RBFOX2: variants seen among roughly 807,000 people sequenced by gnomAD.
RBFOX2 encodes RNA binding fox-1 homolog 2.
RBFOX2 carries 10 observed loss-of-function variants against 49.1 expected under a neutral mutation model. The ratio of observed to expected loss-of-function variants is 0.20; its 90% CI spans 0.13 to 0.35. RBFOX2 has a LOEUF of 0.35. RBFOX2 is among the 10% of genes least tolerant of loss of function. The pLI is 1.00. For missense variants in RBFOX2, 323 were observed against 486.9 expected (o/e 0.66, Z 3.17); for synonymous variants, 183 against 187.4 (o/e 0.98, Z 0.19).
intron 2 of RBFOX2, among the ~76,000 whole-genome samples, chr22:35,784,467 G>A (rs1225778514): frequency 1.3e-5 from 2 of 152,216 alleles, no homozygotes; most frequent in African/African-American, 4.8e-5. Flanking sequence ...CTCTGGTATT[G>A]GGAGTGGTGC....
intron 1 of RBFOX2, among the ~76,000 whole-genome samples, chr22:36,002,416 A>G (rs2058463613): frequency 6.6e-6 from 1 of 152,228 alleles, no homozygotes; most frequent in African/African-American, 2.4e-5. Context: ...TTACCGTGGG[A>G]TACTATGTGG....
intron 1 of RBFOX2, among the ~76,000 whole-genome samples, chr22:35,894,661 G>C (rs1052929571): frequency 6.6e-6 from 1 of 152,072 alleles, no homozygotes; most frequent in Non-Finnish European, 1.5e-5. Context: ...CACAATCACC[G>C]CTAGGTTTTA....
intron 1 of RBFOX2, among the ~76,000 whole-genome samples, chr22:35,825,589 G>C (rs956115481): frequency 1.3e-5 from 2 of 152,208 alleles, no homozygotes; most frequent in African/African-American, 4.8e-5. Context: ...TGTACTATTT[G>C]TGTGACCTTA....
intron 1 of RBFOX2, among the ~76,000 whole-genome samples, chr22:36,002,157 A>G (rs994514846): frequency 7.2e-5 from 11 of 152,258 alleles, no homozygotes; most frequent in African/African-American, 2.7e-4. Context: ...GAAAAATGAA[A>G]GTACGGTAAC....
chr22:36,005,968 AG>A (rs1483513520), intron 1 of RBFOX2, among the ~76,000 whole-genome samples: 1 of 152,240 alleles, frequency 6.6e-6, no homozygotes, highest in Non-Finnish European at 1.5e-5. Flanking sequence ...GCATCTGACC[AG>A]GTTTAGTTCA....
At chr22:35,865,499 G>A (rs1347493124) in intron 1 of RBFOX2, among the ~76,000 whole-genome samples, 6 of 151,822 alleles carry the variant, frequency 4.0e-5, no homozygotes, top group South Asian at 4.2e-4. Context: ...TAATTCCAGC[G>A]TTCAAAAAGC....
At chr22:35,754,236 C>T (rs893975663) in intron 9 of RBFOX2, among the ~76,000 whole-genome samples, 4 of 151,646 alleles carry the variant, frequency 2.6e-5, no homozygotes, top group Non-Finnish European at 4.4e-5. Flanking sequence ...GGACTACAGG[C>T]GCCCGCCACC....
intron 1 of RBFOX2, chr22:35,897,458 C>A (rs1473624507): frequency 2.4e-6 from 2 of 838,436 alleles, no homozygotes; most frequent in Non-Finnish European, 4.2e-6. Flanking sequence ...CCCTTGTTGT[C>A]CAGGACTCAA....
intron 1 of RBFOX2, among the ~76,000 whole-genome samples, chr22:35,985,880 CTAGATAGATAGA>C (rs200877863): frequency 1.4e-5 from 2 of 146,744 alleles, no homozygotes; most frequent in African/African-American, 2.5e-5. Context: ...GACTCCATCT[CTAGATAGATAGA>C]TAGATAGATG....
At chr22:35,800,036 T>C (rs1949489006) in intron 2 of RBFOX2, among the ~76,000 whole-genome samples, 1 of 152,098 alleles carries the variant, frequency 6.6e-6, no homozygotes, top group African/African-American at 2.4e-5. Context: ...TCTTAATTTA[T>C]TCTCACTACA....
At chr22:35,824,586 A>C (rs1190326594) in intron 1 of RBFOX2, among the ~76,000 whole-genome samples, 4 of 152,236 alleles carry the variant, frequency 2.6e-5, no homozygotes, top group Admixed American at 2.6e-4. Context: ...GTCATCAGAA[A>C]TGCTATTATA....
At chr22:35,982,150 T>C (rs981695603) in intron 1 of RBFOX2, among the ~76,000 whole-genome samples, 1 of 152,070 alleles carries the variant, frequency 6.6e-6, no homozygotes, top group African/African-American at 2.4e-5. Flanking sequence ...TCCAGGGGAA[T>C]AGATAATCTG....
intron 1 of RBFOX2, among the ~76,000 whole-genome samples, chr22:35,849,063 A>G (rs1445927713): frequency 6.6e-6 from 1 of 152,184 alleles, no homozygotes; most frequent in Non-Finnish European, 1.5e-5. Context: ...GATGTTACTA[A>G]TGTCATCACA....
At chr22:35,820,717 A>C (rs1298959282) in intron 1 of RBFOX2, among the ~76,000 whole-genome samples, 1 of 152,220 alleles carries the variant, frequency 6.6e-6, no homozygotes, top group African/African-American at 2.4e-5. Context: ...GAAATAAAAG[A>C]TGTTTCAACC....
intron 1 of RBFOX2, among the ~76,000 whole-genome samples, chr22:35,973,901 G>A (rs2057011040): frequency 6.6e-6 from 1 of 152,192 alleles, no homozygotes; most frequent in Non-Finnish European, 1.5e-5. Flanking sequence ...TTCTCTTAGT[G>A]TGTTAAACTT....
chr22:35,817,456 A>G (rs1177327172), intron 1 of RBFOX2, among the ~76,000 whole-genome samples: 17 of 151,002 alleles, frequency 1.1e-4, no homozygotes, highest in Admixed American at 1.1e-3. Context: ...CAGCCTGGAC[A>G]ACAGAGTAAG....
chr22:35,939,406 T>C (rs1156534126), upstream of RBFOX2, among the ~76,000 whole-genome samples: 1 of 152,088 alleles, frequency 6.6e-6, no homozygotes, highest in East Asian at 1.9e-4. Flanking sequence ...TATCAGCCTG[T>C]TTCCCCTCAG....
At chr22:35,989,500 G>GTT (rs2057873507) in intron 1 of RBFOX2, among the ~76,000 whole-genome samples, 1 of 152,136 alleles carries the variant, frequency 6.6e-6, no homozygotes, top group Non-Finnish European at 1.5e-5. Context: ...TGTGGTTAAA[G>GTT]AGAAAACCAG....
intron 2 of RBFOX2, among the ~76,000 whole-genome samples, chr22:35,785,532 A>C (rs1946205724): frequency 6.6e-6 from 1 of 152,216 alleles, no homozygotes; most frequent in Non-Finnish European, 1.5e-5. Flanking sequence ...AGGCTAAAAG[A>C]AGCTGTGAAT....
Sources: gnomAD v4.1 joint callset for allele counts (sites outside exome capture counted in the v4.1 genomes callset) on GRCh38, gnomAD v4.1.1 for gene constraint, MANE v1.5 for transcripts, NCBI Gene and HGNC (gene_info 2026-07-23, HGNC 2026-07-21) for gene names.